CYFIP2: variants seen among roughly 807,000 people sequenced by gnomAD.
The protein encoded by CYFIP2 is cytoplasmic FMR1 interacting protein 2.
CYFIP2 carries 29 observed loss-of-function variants against 158.7 expected under a neutral mutation model. The observed-to-expected ratio is 0.18, with a 90% CI of 0.14 to 0.25. The LOEUF (loss-of-function observed/expected upper bound fraction) is 0.25. CYFIP2 is among the 10% of genes least tolerant of loss of function. CYFIP2 has a pLI of 1.00. For missense variants in CYFIP2, 852 were observed against 1,639.5 expected (o/e 0.52, Z 8.29); for synonymous variants, 585 against 617.6 (o/e 0.95, Z 0.78).
chr5:157,283,783 G>A (rs1318254181), intron 1 of CYFIP2, among the ~76,000 whole-genome samples: 1 of 152,214 alleles, frequency 6.6e-6, no homozygotes, highest in African/African-American at 2.4e-5. Context: ...TCTCGGGGCA[G>A]CAGGACCTTA....
chr5:157,377,673 C>G (rs557773806), intron 26 of CYFIP2, among the ~76,000 whole-genome samples: 1 of 152,364 alleles, frequency 6.6e-6, no homozygotes. Context: ...ATGACAATCT[C>G]TGGCTCAGGC....
chr5:157,323,919 A>T lies in CYFIP2; in HGVS notation c.1672-2A>T. 6.4e-7 allele frequency: 1 copy of T among 1,559,854 alleles called. No homozygotes were observed. Among genetic ancestry groups the T allele is most frequent in the Non-Finnish European group, 8.7e-7 (1 of 1,149,380 alleles). On this transcript the variant is annotated splice_acceptor_variant, in intron 15 of 30. Transcript: ENST00000620254. LOFTEE classifies it high-confidence loss of function. ...CCTTCTCATCTTGCTTTCTTTTTCA[A>T]GCTGTACATGGTGCGGACCATGCTT...
intron 6 of CYFIP2, among the ~76,000 whole-genome samples, chr5:157,301,278 G>A (rs1361360831): frequency 1.3e-5 from 2 of 152,202 alleles, no homozygotes; most frequent in Non-Finnish European, 2.9e-5. Flanking sequence ...TGTAAAAGAA[G>A]GAAATGAATT....
intron 5 of CYFIP2, among the ~76,000 whole-genome samples, chr5:157,297,074 T>TTA (rs894368229): frequency 1.3e-5 from 2 of 152,072 alleles, no homozygotes; most frequent in African/African-American, 4.8e-5. Flanking sequence ...AAATTCTGGG[T>TTA]TATAGAGTGC....
chr5:157,318,505 C>T (rs1212588601), intron 13 of CYFIP2, among the ~76,000 whole-genome samples: 2 of 152,208 alleles, frequency 1.3e-5, no homozygotes, highest in Non-Finnish European at 2.9e-5. Flanking sequence ...TCATCACCAA[C>T]AAAATTGTTG....
chr5:157,377,265 C>G (rs1765576259), intron 26 of CYFIP2, among the ~76,000 whole-genome samples: 1 of 152,056 alleles, frequency 6.6e-6, no homozygotes, highest in Non-Finnish European at 1.5e-5. Context: ...CAAACCACTC[C>G]TGCCCACCCC....
At chr5:157,276,619 A>G (rs577532469) in intron 1 of CYFIP2, among the ~76,000 whole-genome samples, 1 of 152,156 alleles carries the variant, frequency 6.6e-6, no homozygotes, top group Non-Finnish European at 1.5e-5. Flanking sequence ...AGAGATAGGA[A>G]CTATCATTAT....
intron 29 of CYFIP2, among the ~76,000 whole-genome samples, 192 bp from the exon 30 acceptor site, chr5:157,390,329 A>AC (rs1310645248): frequency 2.0e-5 from 3 of 151,898 alleles, no homozygotes; most frequent in African/African-American, 7.3e-5. Context: ...AGGACTTATG[A>AC]CATAACTACC....
At chr5:157,323,107 C>A in intron 15 of CYFIP2, 1 of 1,183,382 alleles carries the variant, frequency 8.5e-7, no homozygotes, top group Non-Finnish European at 1.2e-6. Context: ...CCCCTTCCAG[C>A]CCTAAGATTC....
chr5:157,299,481 T>TCTTCCTCCTTAGAAGGACAACCC, intron 5 of CYFIP2, among the ~76,000 whole-genome samples: 1 of 152,382 alleles, frequency 6.6e-6, no homozygotes, highest in African/African-American at 2.4e-5. Context: ...CCATCTCTGA[T>TCTTCCTCCTTAGAAGGACAACCC]CTTCCTCCTT....
intron 30 of CYFIP2, among the ~76,000 whole-genome samples, chr5:157,392,239 A>G (rs567005592): frequency 7.2e-5 from 11 of 152,034 alleles, no homozygotes; most frequent in Admixed American, 1.3e-4. Context: ...AAAGTTTTCA[A>G]TTTTGATGTA....
rs1263829534 is a variant in CYFIP2, at chr5:157,311,161, CCA to C, written c.993-500_993-499del. ...CTCAGAGTGGCCCTGGCTTCTCCCA[CCA>C]CAGTGTGCTTCCATGTTGCCAGGGC... On this transcript the variant is annotated intron_variant, in intron 10 of 30. Transcript: ENST00000620254. This position sits in a 1 kb window ranked among gnomAD's most constrained non-coding sequence, Gnocchi z 4.7. The C allele has an allele frequency of 2.0e-5, 9 of 449,550 alleles. No individual in the cohort carries two copies. The highest frequency in any genetic ancestry group is 4.0e-5 in the Non-Finnish European group (9 of 224,168). The allele number at this position is 449,550 out of a possible 1,614,324, so 27.8% of individuals were successfully genotyped here.
intron 23 of CYFIP2, among the ~76,000 whole-genome samples, chr5:157,351,591 G>A (rs905583799): frequency 1.3e-5 from 2 of 151,792 alleles, no homozygotes; most frequent in Admixed American, 6.6e-5. Flanking sequence ...GAAGCTCAGC[G>A]GGGCCGGCTT....
chr5:157,384,262 G>A (rs1304065569), intron 28 of CYFIP2: 1 of 456,790 alleles, frequency 2.2e-6, no homozygotes, highest in Non-Finnish European at 4.4e-6. Context: ...AGAAATAGGG[G>A]GAGAGCGGAG....
At chr5:157,378,849 G>C (rs1765760031) in intron 26 of CYFIP2, among the ~76,000 whole-genome samples, 1 of 152,142 alleles carries the variant, frequency 6.6e-6, no homozygotes, top group South Asian at 2.1e-4. Flanking sequence ...ACAGACTCTT[G>C]GTTCTAGAGA....
intron 23 of CYFIP2, among the ~76,000 whole-genome samples, chr5:157,355,412 G>A (rs1763347103): frequency 6.6e-6 from 1 of 152,154 alleles, no homozygotes; most frequent in Admixed American, 6.5e-5. Flanking sequence ...AGTGTGCCAG[G>A]CACCATGCTG....
intron 9 of CYFIP2, among the ~76,000 whole-genome samples, chr5:157,308,394 C>A (rs550302086): frequency 4.4e-4 from 67 of 152,342 alleles, no homozygotes; most frequent in African/African-American, 1.5e-3. Context: ...TCATCATATA[C>A]TCACTGTGTT....
chr5:157,369,879 GTTTT>G, intron 26 of CYFIP2, among the ~76,000 whole-genome samples: 1 of 103,286 alleles, frequency 9.7e-6, no homozygotes, highest in South Asian at 3.0e-4. Context: ...AATGGACCTA[GTTTT>G]TTTTTTTTTT....
At chr5:157,348,275 C>T (rs149133129) in intron 23 of CYFIP2, among the ~76,000 whole-genome samples, 167 of 152,344 alleles carry the variant, frequency 1.1e-3, no homozygotes, top group Non-Finnish European at 1.9e-3. Context: ...TCACAGAGCA[C>T]GCCCTGGAAT....
Sources: allele counts gnomAD v4.1 joint callset (sites outside exome capture counted in the v4.1 genomes callset), GRCh38; gene constraint gnomAD v4.1.1; non-coding constraint Gnocchi (gnomAD v3.1); transcripts MANE v1.5; gene names NCBI Gene and HGNC (gene_info 2026-07-23, HGNC 2026-07-21).